Variants in THSD7B observed in about 807,000 individuals in gnomAD.
THSD7B encodes thrombospondin type-1 domain-containing protein 7B.
Under a neutral mutation model 213.6 loss-of-function variants are expected in THSD7B, and 138 were observed. That is an observed-to-expected ratio of 0.65 (90% CI 0.56 to 0.74). The LOEUF is 0.74. THSD7B is among the 30% of genes least tolerant of loss of function. The pLI, the probability that THSD7B is intolerant of heterozygous loss-of-function variation, is 0.00. For synonymous variants in THSD7B, 742 were observed against 687.0 expected, an observed-to-expected ratio of 1.08 and a Z score of -1.25; for missense variants, 1,931 against 1,991.5, an observed-to-expected ratio of 0.97 and a Z score of 0.58.
chr2:136,796,059 C>T (rs554262513), intron 1 of THSD7B, among the ~76,000 whole-genome samples: 12 of 151,970 alleles, frequency 7.9e-5, no homozygotes, highest in African/African-American at 2.7e-4. Context: ...GTTCTGTCCT[C>T]TCTGAAATGT....
chr2:137,663,608 T>G (rs1178338017), intron 26 of THSD7B, 33 bp downstream of exon 26: 1 of 1,559,160 alleles, frequency 6.4e-7, no homozygotes. Context: ...AAATGAAAAT[T>G]TTCTCATGGG....
chr2:137,284,024 G>T (rs906911798), intron 12 of THSD7B, among the ~76,000 whole-genome samples: 8 of 152,040 alleles, frequency 5.3e-5, no homozygotes, highest in African/African-American at 1.9e-4. Flanking sequence ...GAATCCATCT[G>T]GTCCTGGACT....
chr2:137,033,441 C>T (rs569034815), intron 2 of THSD7B, among the ~76,000 whole-genome samples: 41 of 152,178 alleles, frequency 2.7e-4, no homozygotes, highest in Non-Finnish European at 5.4e-4. Flanking sequence ...TCACTTCCAT[C>T]ACATCTTTTG....
chr2:137,392,357 C>T (rs572201672), intron 12 of THSD7B, among the ~76,000 whole-genome samples: 10 of 152,072 alleles, frequency 6.6e-5, no homozygotes, highest in Non-Finnish European at 1.5e-4. Context: ...TTTAAATCCC[C>T]TACTATTATT....
chr2:136,964,046 A>T (rs1281201764), intron 2 of THSD7B, among the ~76,000 whole-genome samples: 1 of 152,178 alleles, frequency 6.6e-6, no homozygotes, highest in Non-Finnish European at 1.5e-5. Flanking sequence ...ACACAGCTGG[A>T]GAAGAGTACA....
At chr2:137,499,641 A>T (rs1679654541) in intron 15 of THSD7B, among the ~76,000 whole-genome samples, 1 of 152,208 alleles carries the variant, frequency 6.6e-6, no homozygotes, top group African/African-American at 2.4e-5. Flanking sequence ...TCTAAAAAGC[A>T]TCGAATTGCT....
At chr2:136,900,306 C>T (rs1414000103) in intron 2 of THSD7B, among the ~76,000 whole-genome samples, 1 of 152,136 alleles carries the variant, frequency 6.6e-6, no homozygotes, top group East Asian at 1.9e-4. Context: ...GTTCTTACTG[C>T]CTTTCTCTTT....
chr2:137,456,874 C>T (rs901665348), intron 15 of THSD7B, among the ~76,000 whole-genome samples: 8 of 152,180 alleles, frequency 5.3e-5, no homozygotes, highest in African/African-American at 1.7e-4. Flanking sequence ...AAAGCCCAGG[C>T]ATACACCCTA....
At chr2:137,578,668 C>T (rs1681512421) in intron 17 of THSD7B, among the ~76,000 whole-genome samples, 1 of 152,172 alleles carries the variant, frequency 6.6e-6, no homozygotes, top group African/African-American at 2.4e-5. Context: ...AGCCCCCACC[C>T]CACCCAAGCA....
intron 12 of THSD7B, among the ~76,000 whole-genome samples, chr2:137,299,552 A>G (rs1456130373): frequency 6.6e-6 from 1 of 152,086 alleles, no homozygotes; most frequent in East Asian, 1.9e-4. Flanking sequence ...TATTTCCCAG[A>G]ATTCTGAGAT....
chr2:137,349,486 G>C (rs192417749), intron 12 of THSD7B, among the ~76,000 whole-genome samples: 27 of 151,930 alleles, frequency 1.8e-4, no homozygotes, highest in African/African-American at 6.5e-4. Flanking sequence ...TCAGATGATA[G>C]CTATAGATTT....
chr2:137,219,539 A>G (rs552077223), intron 7 of THSD7B, among the ~76,000 whole-genome samples: 1 of 152,144 alleles, frequency 6.6e-6, no homozygotes, highest in Non-Finnish European at 1.5e-5. Context: ...ACTTTATTCA[A>G]AGTCAAGCTT....
Position 137,380,465 on chromosome 2 carries a change from A to G in THSD7B, c.2501-25148A>G, listed in dbSNP as rs571083574. Among the ~76,000 whole-genome samples, 5 of 152,296 alleles carry G rather than the reference A, an allele frequency of 3.3e-5. No homozygotes were observed. In the South Asian group the frequency reaches 8.3e-4, roughly 25 times the overall value. Reference sequence around the variant, plus strand: ...CTAGTATTCCTCTGAAAATGTTTTTATCTTCATTTATTCATAAGCTAACAA... The same window carrying G: ...CTAGTATTCCTCTGAAAATGTTTTTGTCTTCATTTATTCATAAGCTAACAA... On this transcript the variant is annotated intron_variant, in intron 12 of 27. Coordinates refer to ENST00000409968, the MANE Select transcript of THSD7B (RefSeq NM_001316349.2).
intron 20 of THSD7B, among the ~76,000 whole-genome samples, chr2:137,633,623 G>A (rs1682781238): frequency 6.6e-6 from 1 of 152,074 alleles, no homozygotes; most frequent in African/African-American, 2.4e-5. Flanking sequence ...AATTCTCTGA[G>A]CCTCAGTTTA....
At chr2:137,532,883 G>A (rs1014365946) in intron 15 of THSD7B, among the ~76,000 whole-genome samples, 4 of 151,438 alleles carry the variant, frequency 2.6e-5, no homozygotes, top group African/African-American at 9.7e-5. Flanking sequence ...AGCAAATAAT[G>A]TGTGGCTATA....
At chr2:136,803,830 C>T (rs1249225981) in intron 1 of THSD7B, among the ~76,000 whole-genome samples, 1 of 152,122 alleles carries the variant, frequency 6.6e-6, no homozygotes, top group African/African-American at 2.4e-5. Context: ...ACCCAAGAAC[C>T]AGGAGTGCCA....
At chr2:136,989,642 A>G (rs1179778435) in intron 2 of THSD7B, among the ~76,000 whole-genome samples, 2 of 152,196 alleles carry the variant, frequency 1.3e-5, no homozygotes, top group African/African-American at 4.8e-5. Flanking sequence ...CTAACACAGT[A>G]TGTTCCAAAG....
At chr2:136,998,297 AAGAC>A (rs1446544250) in intron 2 of THSD7B, among the ~76,000 whole-genome samples, 1 of 151,906 alleles carries the variant, frequency 6.6e-6, no homozygotes, top group Non-Finnish European at 1.5e-5. Flanking sequence ...AAAAAAAGAA[AAGAC>A]AAGACAAGAC....
At chr2:136,824,802 A>C (rs11689084) in intron 1 of THSD7B, among the ~76,000 whole-genome samples, 21,187 of 152,184 alleles carry the variant, frequency 0.14, 2,204 homozygotes, top group Non-Finnish European at 0.22. Flanking sequence ...TATGCATCTT[A>C]TTAACTTGCC....
Sources: allele counts gnomAD v4.1 joint callset (sites outside exome capture counted in the v4.1 genomes callset), GRCh38; gene constraint gnomAD v4.1.1; transcripts MANE v1.5; gene names NCBI Gene and HGNC (gene_info 2026-07-23, HGNC 2026-07-21).